The following AGPS variants were observed in gnomAD, a reference collection of about 807,000 sequenced individuals.
AGPS encodes the protein alkyldihydroxyacetonephosphate synthase, peroxisomal.
A neutral mutation model predicts 90.7 loss-of-function variants in AGPS; 26 were observed. The ratio of observed to expected loss-of-function variants is 0.29; its 90% CI spans 0.21 to 0.40. The LOEUF (loss-of-function observed/expected upper bound fraction) is 0.40, where lower values mean the gene tolerates loss of function less well. Ranked by LOEUF, AGPS falls within the 10% of genes least tolerant of loss-of-function variation. The pLI is 1.00. For synonymous variants in AGPS, 294 were observed against 285.3 expected, an observed-to-expected ratio of 1.03 and a Z score of -0.31; for missense variants, 540 against 816.1, an observed-to-expected ratio of 0.66 and a Z score of 4.12.
At chr2:177,491,413 C>T (rs1688255551) in intron 11 of AGPS, among the ~76,000 whole-genome samples, 1 of 149,906 alleles carries the variant, frequency 6.7e-6, no homozygotes, top group African/African-American at 2.5e-5. Flanking sequence ...TGTGTGCCAC[C>T]ATGTCTGACT....
chr2:177,438,981 A>ACTAC (rs1194674580), intron 5 of AGPS, among the ~76,000 whole-genome samples: 1 of 44,612 alleles, frequency 2.2e-5, no homozygotes. Flanking sequence ...TCATTCTTGC[A>ACTAC]ATACACACAC....
chr2:177,515,523 C>T (rs184160839), intron 17 of AGPS, among the ~76,000 whole-genome samples: 72 of 151,952 alleles, frequency 4.7e-4, no homozygotes, highest in South Asian at 1.5e-3. Context: ...ACCCCACCCC[C>T]GCTGTAACAT....
chr2:177,466,348 T>G (rs1032001609), intron 9 of AGPS, among the ~76,000 whole-genome samples: 1 of 152,230 alleles, frequency 6.6e-6, no homozygotes, highest in Admixed American at 6.5e-5. Context: ...TTGTGCTGAT[T>G]GGTCCATGGG....
At chr2:177,485,987 G>A (rs1688082479) in intron 11 of AGPS, among the ~76,000 whole-genome samples, 2 of 152,206 alleles carry the variant, frequency 1.3e-5, no homozygotes, top group African/African-American at 4.8e-5. Context: ...TTGATAGACA[G>A]TGCTACCATG....
At chr2:177,397,665 T>C (rs1031286837) in intron 1 of AGPS, among the ~76,000 whole-genome samples, 1 of 152,192 alleles carries the variant, frequency 6.6e-6, no homozygotes, top group African/African-American at 2.4e-5. Flanking sequence ...AAAAGAATGA[T>C]TAAGAACGCC....
intron 2 of AGPS, among the ~76,000 whole-genome samples, chr2:177,421,861 T>C (rs1685950330): frequency 6.6e-6 from 1 of 152,172 alleles, no homozygotes; most frequent in African/African-American, 2.4e-5. Context: ...TTTCTCCTTC[T>C]CTTTTTCTCT....
chr2:177,460,845 T>C (rs1687270567), intron 8 of AGPS, among the ~76,000 whole-genome samples: 1 of 152,232 alleles, frequency 6.6e-6, no homozygotes, highest in South Asian at 2.1e-4. Context: ...ACTTTTATTA[T>C]ATAACAGTTG....
At position 177,499,868 on chromosome 2, in the gene AGPS, A is replaced by C. The variant is rs549749811; in HGVS notation, c.1475+138A>C. The stretch of plus-strand genomic sequence containing the variant: ...TCAAAGTAGTTATTAATTTCAGTTT[A>C]GTGTTAAATTTGTGGTAATTTATGA... On this transcript the variant is annotated intron_variant, in intron 14 of 19. Transcript: ENST00000264167. 37 of 619,880 alleles carry C rather than the reference A, an allele frequency of 6.0e-5. 1 individual carries two copies. In the South Asian group the frequency reaches 7.4e-4, roughly 12 times the overall value. 38.4% of individuals were successfully genotyped at this position (619,880 alleles called of 1,614,324 possible).
chr2:177,515,216 T>G (rs1688987668), intron 17 of AGPS, among the ~76,000 whole-genome samples: 1 of 152,024 alleles, frequency 6.6e-6, no homozygotes, highest in Admixed American at 6.6e-5. Context: ...CCTTAAAATC[T>G]AAGACAAAAA....
Position 177,468,485 on chromosome 2 carries a change from A to G in AGPS, c.1066A>G (p.Thr356Ala), listed in dbSNP as rs751188279. 5 of 1,612,716 alleles carry G rather than the reference A, an allele frequency of 3.1e-6. No homozygotes were observed. In the South Asian group the frequency reaches 3.3e-5, roughly 11 times the overall value. Reference protein sequence around the residue: ...EKSCQGPRMSTGPDIHHFIMG... With the variant: ...EKSCQGPRMSAGPDIHHFIMG... ...AAGCTGTCAAGGACCTCGTATGTCA[A>G]CAGGCCCTGATATCCATCACTTCAT... Residue 356 changes from threonine to alanine, a missense_variant, in exon 10 of 20, where the codon ACA (threonine) becomes GCA (alanine). Physicochemically the swap from Thr to Ala is moderately conservative, Grantham distance 58. Around this residue, in one of 2 missense-constraint regions of AGPS, gnomAD observed 405 missense variants for 692.1 expected, o/e 0.59. Transcript: ENST00000264167.
intron 17 of AGPS, among the ~76,000 whole-genome samples, chr2:177,515,549 A>T (rs1264853307): frequency 2.0e-5 from 3 of 151,658 alleles, no homozygotes; most frequent in Admixed American, 2.0e-4. Flanking sequence ...AACTATCGTG[A>T]TAAACCACTA....
chr2:177,438,789 TATA>T (rs1686500177), intron 5 of AGPS, among the ~76,000 whole-genome samples: 1 of 152,240 alleles, frequency 6.6e-6, no homozygotes, highest in South Asian at 2.1e-4. Flanking sequence ...AATATCCTAG[TATA>T]ATGACTTCTT....
chr2:177,446,575 A>C (rs112094227), intron 8 of AGPS, among the ~76,000 whole-genome samples: 1 of 152,140 alleles, frequency 6.6e-6, no homozygotes, highest in Admixed American at 6.5e-5. Context: ...AAGCCAGGAA[A>C]ACATGAAGAG....
intron 18 of AGPS, among the ~76,000 whole-genome samples, chr2:177,523,461 TA>T (rs1689259842): frequency 6.6e-6 from 1 of 152,244 alleles, no homozygotes; most frequent in Non-Finnish European, 1.5e-5. Context: ...TTGCAGTTAT[TA>T]ATATTATTAA....
At chr2:177,526,226 T>A (rs2079086271) in intron 19 of AGPS, among the ~76,000 whole-genome samples, 1 of 145,396 alleles carries the variant, frequency 6.9e-6, no homozygotes, top group African/African-American at 2.6e-5. Context: ...TAGCTTCTTG[T>A]CTTTTTTTTT....
At chr2:177,481,391 T>G (rs578180380) in intron 10 of AGPS, among the ~76,000 whole-genome samples, 1 of 151,938 alleles carries the variant, frequency 6.6e-6, no homozygotes, top group African/African-American at 2.4e-5. Context: ...TTTTGTTTTG[T>G]TTTTTTGTTT....
intron 9 of AGPS, among the ~76,000 whole-genome samples, chr2:177,467,266 G>T (rs1185390368): frequency 6.6e-6 from 1 of 152,050 alleles, no homozygotes; most frequent in African/African-American, 2.4e-5. Flanking sequence ...TAAATGAACA[G>T]GTTTGCACCA....
intron 14 of AGPS, among the ~76,000 whole-genome samples, chr2:177,503,953 A>C (rs1477998772): frequency 6.6e-6 from 1 of 152,182 alleles, no homozygotes; most frequent in Non-Finnish European, 1.5e-5. Context: ...AAGAGGGTCT[A>C]AAGAAAGATG....
intron 1 of AGPS, among the ~76,000 whole-genome samples, chr2:177,397,032 C>T (rs142988240): frequency 2.6e-5 from 4 of 151,012 alleles, no homozygotes; most frequent in East Asian, 1.9e-4. Flanking sequence ...TCCTGCCTCC[C>T]GGGTTCAAGC....
Sources: gnomAD v4.1 joint callset for allele counts (sites outside exome capture counted in the v4.1 genomes callset) on GRCh38, gnomAD v4.1.1 for gene constraint, gnomAD v4.1.1 regional missense constraint, MANE v1.5 for transcripts, NCBI Gene and HGNC (gene_info 2026-07-23, HGNC 2026-07-21) for gene names.